Variants in TTC28 observed in about 807,000 individuals in gnomAD.
TTC28 encodes the protein tetratricopeptide repeat domain 28, also known as tetratricopeptide repeat protein 28.
In TTC28, 61 loss-of-function variants were observed where a neutral mutation model predicts 198.0. The observed-to-expected ratio is 0.31, with a 90% CI of 0.25 to 0.38. The LOEUF is 0.38. Ranked by LOEUF, TTC28 falls within the 10% of genes least tolerant of loss-of-function variation. The pLI is 1.00. For synonymous variants in TTC28, 1,171 were observed against 1,297.8 expected (o/e 0.90, Z 2.10); for missense variants, 2,678 against 3,164.0 (o/e 0.85, Z 3.69).
chr22:28,424,648 G>C (rs1339479134), intron 2 of TTC28, among the ~76,000 whole-genome samples: 1 of 152,122 alleles, frequency 6.6e-6, no homozygotes, highest in Non-Finnish European at 1.5e-5. Context: ...TTCCAGTAAA[G>C]TTCTTACTAT....
chr22:28,311,126 T>C (rs2045249215), intron 2 of TTC28, among the ~76,000 whole-genome samples: 1 of 152,028 alleles, frequency 6.6e-6, no homozygotes, highest in Non-Finnish European at 1.5e-5. Flanking sequence ...TTTGAACTTT[T>C]AAAATCTCCT....
At chr22:28,494,229 G>A (rs1020104300) in intron 2 of TTC28, among the ~76,000 whole-genome samples, 6 of 152,172 alleles carry the variant, frequency 3.9e-5, no homozygotes, top group Admixed American at 2.0e-4. Context: ...AACTGGCCTT[G>A]AGTCTGTACT....
intron 2 of TTC28, among the ~76,000 whole-genome samples, chr22:28,574,876 A>G (rs1296424832): frequency 6.6e-6 from 1 of 152,024 alleles, no homozygotes; most frequent in Non-Finnish European, 1.5e-5. Flanking sequence ...TCAGATTACT[A>G]GATTTTTTTC....
chr22:28,290,849 C>T (rs1438746332), intron 5 of TTC28, among the ~76,000 whole-genome samples: 1 of 152,036 alleles, frequency 6.6e-6, no homozygotes, highest in Non-Finnish European at 1.5e-5. Context: ...GAGGTCAAGG[C>T]TGCAGTGAGC....
Position 28,001,361 on chromosome 22 carries a change from GT to G in TTC28, c.4398+12del, listed in dbSNP as rs997393959. On this transcript the variant is annotated intron_variant, in intron 15 of 22. Transcript: ENST00000397906. The stretch of plus-strand genomic sequence containing the variant: ...ACAAGCCCCCGGCCCCCCACCATGT[GT>G]GTGAGCCTTACCTTGGACTGCACGC... 28 of 1,538,802 alleles carry G rather than the reference GT, an allele frequency of 1.8e-5. No homozygotes were observed. Among genetic ancestry groups the G allele is most frequent in the Middle Eastern group, 1.8e-4 (1 of 5,628 alleles).
Position 27,996,137 on chromosome 22 carries a change from G to A in TTC28, c.5242C>T (p.Leu1748=), listed in dbSNP as rs753458654. The change falls in exon 17 of 23, where the codon CTG becomes TTG. Residue 1748 remains leucine, a splice_region_variant and synonymous_variant. Transcript: ENST00000397906. ...ARDALRVLLH[L]VEKSLQRIQN... The stretch of plus-strand genomic sequence containing the variant: ...TGCAGGGTGCCCGACCCCCTTACCA[G>A]GTGCAGCAGCACTCGCAGGGCGTCC... The A allele has an allele frequency of 2.0e-3, 3,022 of 1,549,122 alleles. 7 individuals carry two copies. Among genetic ancestry groups the A allele is most frequent in the Non-Finnish European group, 2.1e-3 (2,440 of 1,146,792 alleles).
At chr22:28,237,182 T>C (rs972369301) in intron 5 of TTC28, among the ~76,000 whole-genome samples, 1 of 152,106 alleles carries the variant, frequency 6.6e-6, no homozygotes, top group Non-Finnish European at 1.5e-5. Context: ...CTCCCCACCC[T>C]TTTCTCTCCC....
chr22:28,276,882 A>C (rs2044483123), intron 5 of TTC28, among the ~76,000 whole-genome samples: 2 of 152,182 alleles, frequency 1.3e-5, no homozygotes, highest in South Asian at 4.1e-4. Context: ...AGAATTTATG[A>C]ATACTTATTA....
At chr22:28,427,627 T>G (rs959204490) in intron 2 of TTC28, among the ~76,000 whole-genome samples, 4 of 152,216 alleles carry the variant, frequency 2.6e-5, no homozygotes, top group African/African-American at 9.6e-5. Context: ...CACTCTAGCC[T>G]GGGCGACAAG....
chr22:28,301,142 T>C (rs1246421242), intron 3 of TTC28, among the ~76,000 whole-genome samples: 2 of 152,240 alleles, frequency 1.3e-5, no homozygotes, highest in African/African-American at 4.8e-5. Flanking sequence ...AAGCTCTAGA[T>C]ATACAAGTGG....
At chr22:28,433,144 T>A (rs1446185863) in intron 2 of TTC28, among the ~76,000 whole-genome samples, 1 of 152,228 alleles carries the variant, frequency 6.6e-6, no homozygotes, top group East Asian at 1.9e-4. Flanking sequence ...TTCCTATGAT[T>A]TTTAAAGCCT....
chr22:28,373,224 A>C (rs889524740), intron 2 of TTC28, among the ~76,000 whole-genome samples: 3 of 152,162 alleles, frequency 2.0e-5, no homozygotes, highest in Admixed American at 1.3e-4. Flanking sequence ...TAAAAATATA[A>C]GGAAGGTTTT....
At chr22:28,224,365 T>A (rs1238398810) in intron 5 of TTC28, among the ~76,000 whole-genome samples, 1 of 152,150 alleles carries the variant, frequency 6.6e-6, no homozygotes, top group African/African-American at 2.4e-5. Flanking sequence ...TAGTATGCAA[T>A]GTGCCTGTCT....
intron 2 of TTC28, among the ~76,000 whole-genome samples, chr22:28,484,002 G>A (rs557705231): frequency 9.2e-5 from 14 of 152,294 alleles, no homozygotes; most frequent in South Asian, 8.3e-4. Flanking sequence ...ATTCGACTCC[G>A]TAAAGATTGA....
chr22:28,631,407 A>G (rs2051171347), intron 1 of TTC28, among the ~76,000 whole-genome samples: 1 of 152,232 alleles, frequency 6.6e-6, no homozygotes, highest in Admixed American at 6.5e-5. Flanking sequence ...CTGGCAATTT[A>G]AAATCTGTTT....
At chr22:28,092,492 T>C (rs1393176363) in intron 12 of TTC28, among the ~76,000 whole-genome samples, 3 of 152,148 alleles carry the variant, frequency 2.0e-5, no homozygotes, top group Non-Finnish European at 4.4e-5. Flanking sequence ...ACCAAGATTC[T>C]CTCTCCCTTT....
At chr22:28,158,376 C>T (rs955234032) in intron 6 of TTC28, among the ~76,000 whole-genome samples, 1 of 152,034 alleles carries the variant, frequency 6.6e-6, no homozygotes, top group Non-Finnish European at 1.5e-5. Flanking sequence ...ATCAAAACAC[C>T]AATGACATTC....
chr22:28,082,099 A>T (rs1941386257), intron 12 of TTC28, among the ~76,000 whole-genome samples: 1 of 152,068 alleles, frequency 6.6e-6, no homozygotes, highest in Non-Finnish European at 1.5e-5. Flanking sequence ...TTGTTCATTG[A>T]TTTCATATCC....
At chr22:28,282,299 T>C (rs2044598496) in intron 5 of TTC28, among the ~76,000 whole-genome samples, 1 of 152,222 alleles carries the variant, frequency 6.6e-6, no homozygotes, top group Admixed American at 6.5e-5. Context: ...ATGATCCTAA[T>C]ATAAATAGCA....
Sources: gnomAD v4.1 joint callset for allele counts (sites outside exome capture counted in the v4.1 genomes callset) on GRCh38, gnomAD v4.1.1 for gene constraint, MANE v1.5 for transcripts, NCBI Gene and HGNC (gene_info 2026-07-23, HGNC 2026-07-21) for gene names.